Variants in KIFAP3 observed in about 807,000 individuals in gnomAD.
KIFAP3 encodes kinesin associated protein 3.
A neutral mutation model predicts 106.5 loss-of-function variants in KIFAP3; 68 were observed. The observed-to-expected ratio is 0.64, with a 90% confidence interval of 0.53 to 0.78. The LOEUF (loss-of-function observed/expected upper bound fraction) is 0.78, where lower values mean the gene tolerates loss of function less well. KIFAP3 is among the 30% of genes least tolerant of loss of function. The pLI is 0.00. For synonymous variants in KIFAP3, 320 were observed against 311.5 expected, an observed-to-expected ratio of 1.03 and a Z score of -0.29; for missense variants, 780 against 941.8, an observed-to-expected ratio of 0.83 and a Z score of 2.25.
At chr1:169,992,047 A>G in intron 11 of KIFAP3, 108 bp downstream of exon 11, 1 of 455,122 alleles carries the variant, frequency 2.2e-6, no homozygotes, top group East Asian at 3.7e-5. Context: ...TTGTAGTATT[A>G]TTAAGAAGAG....
intron 15 of KIFAP3, 79 bp from the exon 16 acceptor site, chr1:169,978,262 G>C (rs1666332877): frequency 4.4e-6 from 4 of 919,444 alleles, no homozygotes; most frequent in Non-Finnish European, 6.8e-6. Context: ...GAATAATATA[G>C]AACGAGAAAA....
rs541751014 is a variant in KIFAP3, at chr1:170,054,150, G to GA, written c.164+1154dup. Among the ~76,000 whole-genome samples the GA allele has an allele frequency of 3.0e-4, 45 of 151,890 alleles. No homozygotes were observed. In the South Asian group the frequency reaches 9.3e-3, roughly 32 times the overall value. On this transcript the variant is annotated intron_variant, in intron 2 of 19. Coordinates refer to ENST00000361580, the MANE Select transcript of KIFAP3 (RefSeq NM_014970.4). ...AAGGAACTTAAACAAATTTACAAGA[G>GA]AAAAAACAAACAACCCCTTCAAATA...
chr1:169,998,399 TACACACACAC>T (rs1205858764), intron 10 of KIFAP3, among the ~76,000 whole-genome samples: 1 of 97,768 alleles, frequency 1.0e-5, no homozygotes, highest in Admixed American at 9.8e-5. Flanking sequence ...TATATATATA[TACACACACAC>T]ACACACACAC....
Position 170,055,323 on chromosome 1 carries a change from C to A in KIFAP3, c.146G>T (p.Arg49Leu). The A allele has an allele frequency of 6.3e-7, 1 of 1,599,714 alleles. No individual in the cohort carries two copies. Among genetic ancestry groups the A allele is most frequent in the Non-Finnish European group, 8.5e-7 (1 of 1,176,210 alleles). The change falls in exon 2 of 20, where the codon CGA becomes CTA. Residue 49 changes from arginine (R) to leucine (L), a missense_variant. Arg to Leu is a moderately radical substitution (Grantham distance 102). This residue lies in a region of KIFAP3 where 588 missense variants were observed against 678.9 expected (regional missense o/e 0.87). Transcript: ENST00000361580. ...GEMGDPMLGE[R>L]KECQKIIRLK... ...AACTTACATTTTTTGACATTCTTTT[C>A]GTTCTCCCAACATGGGGTCCCCCAT... is the stretch of plus-strand genomic sequence containing the variant.
At chr1:170,065,172 T>C (rs918106456) in intron 1 of KIFAP3, among the ~76,000 whole-genome samples, 1 of 152,230 alleles carries the variant, frequency 6.6e-6, no homozygotes, top group African/African-American at 2.4e-5. Flanking sequence ...AAGCCTATTT[T>C]ATCTGACATT....
intron 4 of KIFAP3, 112 bp from the exon 5 acceptor site, chr1:170,038,543 A>G: frequency 1.8e-6 from 2 of 1,123,344 alleles, no homozygotes; most frequent in Non-Finnish European, 2.5e-6. Flanking sequence ...ACAAATTTCC[A>G]AAGAACTCAT....
chr1:170,052,408 G>C (rs561667775), intron 2 of KIFAP3, among the ~76,000 whole-genome samples: 65 of 152,154 alleles, frequency 4.3e-4, no homozygotes, highest in Non-Finnish European at 7.5e-4. Context: ...AATTCTACCA[G>C]AGGTACAAAG....
At chr1:170,019,904 C>T (rs947591595) in intron 9 of KIFAP3, among the ~76,000 whole-genome samples, 2 of 152,138 alleles carry the variant, frequency 1.3e-5, no homozygotes, top group African/African-American at 4.8e-5. Flanking sequence ...TTTCTATTTG[C>T]AGATAACACA....
intron 19 of KIFAP3, among the ~76,000 whole-genome samples, chr1:169,928,502 G>A (rs1663271415): frequency 6.6e-6 from 1 of 151,716 alleles, no homozygotes; most frequent in African/African-American, 2.4e-5. Flanking sequence ...CTGAGCCCAG[G>A]AGTTCAAGAC....
chr1:170,049,965 A>G (rs1215138172), intron 2 of KIFAP3, among the ~76,000 whole-genome samples: 1 of 152,200 alleles, frequency 6.6e-6, no homozygotes, highest in Non-Finnish European at 1.5e-5. Context: ...CTCTCCAGCA[A>G]GGGCACAAAA....
chr1:169,961,711 T>C (rs1665344898), intron 17 of KIFAP3, among the ~76,000 whole-genome samples: 2 of 152,122 alleles, frequency 1.3e-5, no homozygotes, highest in Non-Finnish European at 2.9e-5. Context: ...GTGAAGACAA[T>C]GATGATGAAG....
chr1:169,926,330 G>T (rs1414845088), intron 19 of KIFAP3, among the ~76,000 whole-genome samples: 3 of 152,076 alleles, frequency 2.0e-5, no homozygotes, highest in Non-Finnish European at 4.4e-5. Context: ...TCATTACATG[G>T]TCTCTAATCT....
chr1:169,995,970 TAGAAC>T (rs1439292576), intron 10 of KIFAP3, among the ~76,000 whole-genome samples: 1 of 152,054 alleles, frequency 6.6e-6, no homozygotes, highest in Non-Finnish European at 1.5e-5. Flanking sequence ...GGGTATCTGT[TAGAAC>T]AGAAAGTACA....
intron 10 of KIFAP3, 36 bp downstream of exon 10, chr1:170,016,426 C>G (rs1375094774): frequency 6.4e-7 from 1 of 1,550,884 alleles, no homozygotes; most frequent in Non-Finnish European, 8.7e-7. Flanking sequence ...GTTGGAAATT[C>G]CAGACAACAC....
intron 1 of KIFAP3, among the ~76,000 whole-genome samples, chr1:170,084,438 A>G (rs536570852): frequency 3.3e-5 from 5 of 152,356 alleles, no homozygotes; most frequent in Admixed American, 1.3e-4. Context: ...ACTGCCTTCA[A>G]GGAGCACATG....
intron 10 of KIFAP3, among the ~76,000 whole-genome samples, chr1:170,011,291 G>C (rs1668230507): frequency 6.6e-6 from 1 of 151,822 alleles, no homozygotes; most frequent in Non-Finnish European, 1.5e-5. Context: ...CTGAAGGTTT[G>C]AAGGAAAACA....
chr1:169,973,444 A>AT (rs1260040467), intron 16 of KIFAP3, among the ~76,000 whole-genome samples: 3 of 20,960 alleles, frequency 1.4e-4, no homozygotes, highest in Non-Finnish European at 2.4e-4. Context: ...CTTTCCTGAA[A>AT]TTAAAAAAAA....
In KIFAP3 at chr1:169,982,036, AT is replaced by A; in HGVS notation, c.1733del (p.Asp578ValfsTer8). The A allele has an allele frequency of 6.2e-7, 1 of 1,613,282 alleles. No homozygotes were observed. The highest frequency in any genetic ancestry group is 8.5e-7 in the Non-Finnish European group (1 of 1,179,276). On this transcript the variant is annotated frameshift_variant, in exon 15 of 20. Coordinates refer to ENST00000361580, the MANE Select transcript of KIFAP3 (RefSeq NM_014970.4). LOFTEE classifies it high-confidence loss of function. ...TGGCTAGCAATGCAGCACAAGAGTC[AT>A]CCATGGATACAGTTCCAATCATTAT... ...VVIMIGTVSM[D>X]DSCAALLAKS...
chr1:169,928,028 A>T (rs1035366651), intron 19 of KIFAP3, among the ~76,000 whole-genome samples: 1 of 152,206 alleles, frequency 6.6e-6, no homozygotes, highest in Non-Finnish European at 1.5e-5. Flanking sequence ...TGAAGTAATG[A>T]GAACCTACAG....
Sources: gnomAD v4.1 joint callset for allele counts (sites outside exome capture counted in the v4.1 genomes callset) on GRCh38, gnomAD v4.1.1 for gene constraint, gnomAD v4.1.1 regional missense constraint, MANE v1.5 for transcripts, NCBI Gene and HGNC (gene_info 2026-07-23, HGNC 2026-07-21) for gene names.